SLC7A8: variants seen among roughly 807,000 people sequenced by gnomAD.
SLC7A8 encodes large neutral amino acids transporter small subunit 2.
Under a neutral mutation model 51.2 loss-of-function variants are expected in SLC7A8, and 30 were observed. The observed-to-expected ratio is 0.59, with a 90% CI of 0.44 to 0.80. SLC7A8 has a LOEUF of 0.80. SLC7A8 is among the 30% of genes least tolerant of loss of function. SLC7A8 has a pLI of 0.00. For synonymous variants in SLC7A8, 257 were observed against 275.8 expected (o/e 0.93, Z 0.67); for missense variants, 612 against 674.4 (o/e 0.91, Z 1.03).
At chr14:23,152,103 C>T (rs907469186) in intron 3 of SLC7A8, among the ~76,000 whole-genome samples, 1 of 152,020 alleles carries the variant, frequency 6.6e-6, no homozygotes, top group Admixed American at 6.6e-5. Context: ...TAAGAGTACA[C>T]GTTATTCCCA....
At position 23,127,300 on chromosome 14, in the gene SLC7A8, G is replaced by A. The variant is rs753949926; in HGVS notation, c.1485C>T (p.Tyr495=). The A allele has an allele frequency of 3.7e-6, 6 of 1,614,072 alleles. No homozygotes were observed. Among genetic ancestry groups the A allele is most frequent in the Non-Finnish European group, 5.1e-6 (6 of 1,179,964 alleles). ...LVSQKMCVVV[Y]PEVERGSGTE... is the part of the protein sequence containing the mutation. ...TCCCTGAGCCCCGCTCCACCTCGGG[G>A]TACACGACCACACACATCTTCTGGC... Residue 495 remains tyrosine (Y), a synonymous_variant, in exon 11 of 11, where the codon TAC becomes TAT. Transcript: ENST00000316902.
In SLC7A8 at chr14:23,183,626, C is replaced by T. The variant is rs911956699; in HGVS notation, c.-712G>A. ...GTTCTACTGCACAGCCGGCCCCATC[C>T]CTCTGGTTTCGGGAGAGTGGCTTCT... On this transcript the variant is annotated 5_prime_UTR_variant, in exon 1 of 11. Transcript: ENST00000316902. 1 of 152,352 alleles carries T rather than the reference C, an allele frequency of 6.6e-6. No homozygotes were observed. Among genetic ancestry groups the T allele is most frequent in the East Asian group, 1.9e-4 (1 of 5,178 alleles). The allele number at this position is 152,352 out of a possible 1,614,324, so 9.4% of individuals were successfully genotyped here. A position where few individuals can be genotyped will look rare whatever the true frequency, so the allele number is the denominator to read the frequency against.
intron 3 of SLC7A8, among the ~76,000 whole-genome samples, chr14:23,144,925 T>C (rs2048777874): frequency 6.6e-6 from 1 of 151,564 alleles, no homozygotes; most frequent in South Asian, 2.1e-4. Context: ...TATTTCTTTT[T>C]TCTTTTTCTT....
At chr14:23,130,194 A>G (rs2048619733) in intron 8 of SLC7A8, 1 of 165,066 alleles carries the variant, frequency 6.1e-6, no homozygotes, top group African/African-American at 2.4e-5. Flanking sequence ...AAGATTGTTA[A>G]CAACAGATTA....
chr14:23,169,181 T>C (rs528307766), intron 1 of SLC7A8, among the ~76,000 whole-genome samples: 2 of 152,084 alleles, frequency 1.3e-5, no homozygotes, highest in Non-Finnish European at 2.9e-5. Context: ...AGATCCTATC[T>C]CTAACAAAAA....
intron 3 of SLC7A8, among the ~76,000 whole-genome samples, chr14:23,144,933 CTTT>C (rs199939524): frequency 1.4e-5 from 2 of 139,638 alleles, no homozygotes. Context: ...TTTTCTTTTT[CTTT>C]TTTTTTTTTT....
intron 1 of SLC7A8, among the ~76,000 whole-genome samples, chr14:23,181,289 G>T (rs1478381055): frequency 6.6e-6 from 1 of 152,070 alleles, no homozygotes; most frequent in Non-Finnish European, 1.5e-5. Flanking sequence ...TAAAGGAGAG[G>T]CAAAAAAAAT....
At chr14:23,155,415 T>C (rs2048885829) in intron 3 of SLC7A8, 1 of 1,446,592 alleles carries the variant, frequency 6.9e-7, no homozygotes, top group Admixed American at 2.7e-5. Context: ...TCCTGTTAGC[T>C]CCTGCGCCAG....
intron 1 of SLC7A8, among the ~76,000 whole-genome samples, chr14:23,182,189 C>T (rs1200884258): frequency 1.3e-5 from 2 of 152,146 alleles, no homozygotes; most frequent in Non-Finnish European, 2.9e-5. Context: ...TCCATAACTT[C>T]CCCATCTGTG....
intron 3 of SLC7A8, among the ~76,000 whole-genome samples, chr14:23,160,431 C>T (rs1437505434): frequency 6.6e-6 from 1 of 151,960 alleles, no homozygotes; most frequent in Admixed American, 6.6e-5. Flanking sequence ...ATTAGCCGGA[C>T]GTGGTGGCGG....
chr14:23,149,148 G>A (rs1036858971), intron 3 of SLC7A8, among the ~76,000 whole-genome samples: 56 of 152,282 alleles, frequency 3.7e-4, no homozygotes, highest in African/African-American at 7.2e-4. Flanking sequence ...TAGCCGCTTC[G>A]CACTTCTTCC....
chr14:23,143,951 C>T (rs61976513), intron 3 of SLC7A8, among the ~76,000 whole-genome samples: 6,441 of 151,788 alleles, frequency 0.042, 199 homozygotes, highest in Non-Finnish European at 0.069. Flanking sequence ...AGAATGCTTT[C>T]GAGATCTACT....
At chr14:23,163,866 G>A (rs756505430) in intron 3 of SLC7A8, among the ~76,000 whole-genome samples, 3 of 152,150 alleles carry the variant, frequency 2.0e-5, no homozygotes, top group Non-Finnish European at 2.9e-5. Flanking sequence ...CTAGAAATAC[G>A]GCTCTGCAGA....
At chr14:23,152,984 G>T (rs10137531) in intron 3 of SLC7A8, among the ~76,000 whole-genome samples, 2,710 of 152,224 alleles carry the variant, frequency 0.018, 102 homozygotes, top group African/African-American at 0.062. Flanking sequence ...GAACCAGTTG[G>T]GACTCTCCTT....
intron 1 of SLC7A8, among the ~76,000 whole-genome samples, chr14:23,182,140 C>G (rs1273143194): frequency 2.6e-5 from 4 of 152,230 alleles, no homozygotes; most frequent in Non-Finnish European, 5.9e-5. Flanking sequence ...ACTGCAAACT[C>G]TCCACTTACC....
chr14:23,161,056 C>G (rs1317192812), intron 3 of SLC7A8, among the ~76,000 whole-genome samples: 2 of 151,906 alleles, frequency 1.3e-5, no homozygotes, highest in Non-Finnish European at 2.9e-5. Flanking sequence ...TAGAATAACT[C>G]GAAGTGGCAG....
In SLC7A8 at chr14:23,144,993, C is replaced by T. The variant is rs1159187419; in HGVS notation, c.509-1789G>A. ...TGTCGCTCAGGCTGGAGTGCAGTGGCGCGATCTCGGCTCACTGCAAGCTCT... is the reference window on the plus strand; with the variant it reads ...TGTCGCTCAGGCTGGAGTGCAGTGGTGCGATCTCGGCTCACTGCAAGCTCT... On this transcript the variant is annotated intron_variant, in intron 3 of 10. Transcript: ENST00000316902. 1.5e-3 allele frequency among the ~76,000 whole-genome samples: 219 copies of T among 146,676 alleles called. 1 individual carries two copies. The highest frequency in any genetic ancestry group is 5.5e-3 in the African/African-American group (211 of 38,630).
At chr14:23,145,921 G>A (rs913544938) in intron 3 of SLC7A8, among the ~76,000 whole-genome samples, 2 of 152,316 alleles carry the variant, frequency 1.3e-5, no homozygotes, top group Admixed American at 6.5e-5. Flanking sequence ...TTAAGTGCCC[G>A]AGCAGGGAGA....
intron 6 of SLC7A8, among the ~76,000 whole-genome samples, chr14:23,138,519 T>G (rs1224779229): frequency 2.5e-5 from 2 of 80,752 alleles, no homozygotes; most frequent in Non-Finnish European, 5.4e-5. Flanking sequence ...AGTTTATGAT[T>G]TTTGAGCCTC....
Sources: gnomAD v4.1 joint callset for allele counts (sites outside exome capture counted in the v4.1 genomes callset) on GRCh38, gnomAD v4.1.1 for gene constraint, MANE v1.5 for transcripts, NCBI Gene and HGNC (gene_info 2026-07-23, HGNC 2026-07-21) for gene names.